Variants in KCNMA1 observed in about 807,000 individuals in gnomAD.
KCNMA1 encodes Calcium-activated potassium channel subunit alpha-1.
Under a neutral mutation model 140.0 loss-of-function variants are expected in KCNMA1, and 29 were observed. The ratio of observed to expected loss-of-function variants is 0.21; its 90% CI spans 0.15 to 0.28. The LOEUF (loss-of-function observed/expected upper bound fraction) is 0.28, where lower values mean the gene tolerates loss of function less well. KCNMA1 is among the 10% of genes least tolerant of loss of function. The probability of loss-of-function intolerance (pLI) is 1.00; values close to 1 mark genes in which losing one functional copy is unlikely to be tolerated. For missense variants in KCNMA1, 880 were observed against 1,602.2 expected, an observed-to-expected ratio of 0.55 and a Z score of 7.70; for synonymous variants, 612 against 611.9, an observed-to-expected ratio of 1.00 and a Z score of 0.00.
At chr10:77,077,141 G>T (rs12357804) in intron 13 of KCNMA1, among the ~76,000 whole-genome samples, 3,418 of 152,308 alleles carry the variant, frequency 0.022, 58 homozygotes, top group South Asian at 0.053. Context: ...GGTGAAGAAT[G>T]TCCATTTGCA....
intron 5 of KCNMA1, among the ~76,000 whole-genome samples, chr10:77,156,097 A>G (rs1052087704): frequency 2.6e-5 from 4 of 151,940 alleles, no homozygotes; most frequent in Non-Finnish European, 4.4e-5. Flanking sequence ...GCACGGTGGC[A>G]GGCACCTGTA....
intron 19 of KCNMA1, chr10:76,995,786 G>A: frequency 2.3e-6 from 1 of 426,376 alleles, no homozygotes; most frequent in South Asian, 1.7e-5. Flanking sequence ...CATGAGGCAT[G>A]CCAACATCTT....
chr10:77,047,312 C>G (rs1315560731), intron 14 of KCNMA1, among the ~76,000 whole-genome samples: 5 of 152,208 alleles, frequency 3.3e-5, no homozygotes, highest in Non-Finnish European at 5.9e-5. Context: ...TGCAGACTAT[C>G]AAATGAGATT....
chr10:77,527,858 T>C (rs1416060644), intron 1 of KCNMA1, among the ~76,000 whole-genome samples: 1 of 152,036 alleles, frequency 6.6e-6, no homozygotes, highest in Non-Finnish European at 1.5e-5. Context: ...TCGGGCTCCA[T>C]GCTGTGCGCA....
In KCNMA1 at chr10:76,885,172, C is replaced by T. The variant is rs2036281370; in HGVS notation, c.*2094G>A. 4 of 1,253,512 alleles carry T rather than the reference C, an allele frequency of 3.2e-6. No individual in the cohort carries two copies. Among genetic ancestry groups the T allele is most frequent in the Non-Finnish European group, 4.0e-6 (4 of 989,148 alleles). 77.6% of individuals were successfully genotyped at this position (1,253,512 alleles called of 1,614,324 possible). ...TGCAAAGAATGCATGAAGAGCTCTTCATGATCCAATACTAGGGGATACATA... is the reference window on the plus strand; with the variant it reads ...TGCAAAGAATGCATGAAGAGCTCTTTATGATCCAATACTAGGGGATACATA... On this transcript the variant is annotated 3_prime_UTR_variant, in exon 28 of 28. Coordinates refer to ENST00000286628, the MANE Select transcript of KCNMA1 (RefSeq NM_001161352.2).
At chr10:77,594,390 G>T (rs995016992) in intron 1 of KCNMA1, among the ~76,000 whole-genome samples, 1 of 152,156 alleles carries the variant, frequency 6.6e-6, no homozygotes, top group Admixed American at 6.5e-5. Context: ...CATGCAGAGG[G>T]TGACCCAGGC....
intron 1 of KCNMA1, among the ~76,000 whole-genome samples, chr10:77,500,491 G>A (rs1407982333): frequency 2.0e-5 from 3 of 152,116 alleles, no homozygotes; most frequent in Non-Finnish European, 2.9e-5. Context: ...CTACCAAACT[G>A]TAAAAAGCAA....
chr10:77,126,188 G>T (rs1037664063), intron 5 of KCNMA1, among the ~76,000 whole-genome samples: 1 of 151,982 alleles, frequency 6.6e-6, no homozygotes. Context: ...ACACAAAATA[G>T]CTATAATAGA....
chr10:77,029,347 T>C lies in KCNMA1; in HGVS notation c.1860-1456A>G, dbSNP rs187519399. Among the ~76,000 whole-genome samples, 408 of 152,294 alleles carry C rather than the reference T, an allele frequency of 2.7e-3. 4 individuals are homozygous for C. The highest frequency in any genetic ancestry group is 9.5e-3 in the African/African-American group (395 of 41,564). ...GGGTCACAGTGTGGGGAAGGCTTCC[T>C]TGTGGGTCAATTTAATCCCCTCAAT... On this transcript the variant is annotated intron_variant, in intron 15 of 27. Transcript: ENST00000286628.
At chr10:77,069,826 T>G (rs1168108393) in intron 14 of KCNMA1, among the ~76,000 whole-genome samples, 4 of 152,140 alleles carry the variant, frequency 2.6e-5, no homozygotes, top group Admixed American at 2.6e-4. Flanking sequence ...TTTCTTTCTT[T>G]TTTGGAGACG....
At chr10:77,587,861 T>C (rs1330848185) in intron 1 of KCNMA1, 2 of 985,412 alleles carry the variant, frequency 2.0e-6, no homozygotes, top group African/African-American at 1.7e-5. Flanking sequence ...TCTTCAGATA[T>C]ATGTGCCACT....
At chr10:76,977,817 T>C (rs1447231916) in intron 19 of KCNMA1, 2 of 577,488 alleles carry the variant, frequency 3.5e-6, no homozygotes, top group African/African-American at 3.7e-5. Flanking sequence ...GAGTTTCACA[T>C]TTTCCAACTC....
intron 1 of KCNMA1, among the ~76,000 whole-genome samples, chr10:77,452,726 G>A (rs2097687018): frequency 6.6e-6 from 1 of 152,124 alleles, no homozygotes; most frequent in Admixed American, 6.5e-5. Context: ...GGCCTTTTCT[G>A]GGAATCAGTA....
At chr10:76,926,548 A>G (rs1042516181) in intron 23 of KCNMA1, among the ~76,000 whole-genome samples, 2 of 152,160 alleles carry the variant, frequency 1.3e-5, no homozygotes, top group Non-Finnish European at 2.9e-5. Flanking sequence ...GTCAACTCCT[A>G]CCTCTCTGTG....
chr10:77,614,728 C>A (rs1433668948), intron 1 of KCNMA1, among the ~76,000 whole-genome samples: 1 of 152,142 alleles, frequency 6.6e-6, no homozygotes, highest in African/African-American at 2.4e-5. Context: ...TCCTTGCACC[C>A]CAACCCCATG....
intron 1 of KCNMA1, among the ~76,000 whole-genome samples, chr10:77,540,785 G>A (rs2059990835): frequency 6.6e-6 from 1 of 152,166 alleles, no homozygotes; most frequent in African/African-American, 2.4e-5. Context: ...CTGATCCCCT[G>A]AGGTCAGGAG....
chr10:76,917,794 G>A (rs1286846627), intron 23 of KCNMA1, among the ~76,000 whole-genome samples: 1 of 152,090 alleles, frequency 6.6e-6, no homozygotes, highest in Non-Finnish European at 1.5e-5. Context: ...CTTTTTCCCT[G>A]GTGTAGAGTT....
At chr10:77,008,550 A>G (rs191709462) in intron 18 of KCNMA1, among the ~76,000 whole-genome samples, 3 of 152,248 alleles carry the variant, frequency 2.0e-5, no homozygotes, top group Non-Finnish European at 4.4e-5. Context: ...GGATTTCCAG[A>G]AATGGAATGT....
intron 23 of KCNMA1, among the ~76,000 whole-genome samples, chr10:76,920,605 T>C (rs1174237504): frequency 6.6e-6 from 1 of 152,176 alleles, no homozygotes; most frequent in East Asian, 1.9e-4. Context: ...CCTGTGTGTT[T>C]AGGGACTGTT....
Sources: gnomAD v4.1 joint callset for allele counts (sites outside exome capture counted in the v4.1 genomes callset) on GRCh38, gnomAD v4.1.1 for gene constraint, MANE v1.5 for transcripts, NCBI Gene and HGNC (gene_info 2026-07-23, HGNC 2026-07-21) for gene names.